The following LAMA1 variants were observed in gnomAD, a reference collection of about 807,000 sequenced individuals.
LAMA1 encodes the protein laminin subunit alpha-1.
A neutral mutation model predicts 348.7 loss-of-function variants in LAMA1; 219 were observed. The ratio of observed to expected loss-of-function variants is 0.63; its 90% CI spans 0.56 to 0.70. The LOEUF (loss-of-function observed/expected upper bound fraction) is 0.70, where lower values mean the gene tolerates loss of function less well. Among genes scored for constraint, LAMA1 ranks in the 30% least tolerant of loss-of-function variants. The pLI, the probability that LAMA1 is intolerant of heterozygous loss-of-function variation, is 0.00. For synonymous variants in LAMA1, 1,487 were observed against 1,491.0 expected (o/e 1.00, Z 0.06); for missense variants, 3,744 against 3,888.0 (o/e 0.96, Z 0.99).
rs753075815 is a variant in LAMA1 at position 7,044,779 on chromosome 18, C to T, written c.919G>A (p.Gly307Arg). ...CGESCNRCCP[G>R]YHQQPWRPGT... ...GGCCTCCAGGGCTGCTGATGGTACC[C>T]AGGACAGCACCTGTTACAGCTCTCC... Residue 307 changes from glycine to arginine, a missense_variant, in exon 7 of 63, where the codon GGG becomes AGG. Gly to Arg is a moderately radical substitution (Grantham distance 125). Transcript: ENST00000389658. The T allele has an allele frequency of 5.6e-6, 9 of 1,614,060 alleles. No homozygotes were observed. The Admixed American group carries it at 1.0e-4, about 18-fold the overall frequency.
At chr18:7,064,244 T>C (rs1455780960) in intron 3 of LAMA1, among the ~76,000 whole-genome samples, 3 of 151,946 alleles carry the variant, frequency 2.0e-5, no homozygotes, top group African/African-American at 7.2e-5. Context: ...CAATGGTAAA[T>C]TTTATGATAT....
intron 47 of LAMA1, 59 bp from the exon 48 acceptor site, chr18:6,972,040 T>G: frequency 1.2e-6 from 2 of 1,600,302 alleles, no homozygotes; most frequent in Non-Finnish European, 1.7e-6. Flanking sequence ...CAAAATACAT[T>G]CTCCAAGTGC....
rs10566387 is a variant in LAMA1 at position 7,097,499 on chromosome 18, C to CTTTTTTTTTTTTTTTTTTTTTTTTTT, written c.62-17043_62-17042insAAAAAAAAAAAAAAAAAAAAAAAAAA. On this transcript the variant is annotated intron_variant, in intron 1 of 62. Transcript: ENST00000389658. ...CAATTGCTATCAAAATCTCAGCTGG[C>CTTTTTTTTTTTTTTTTTTTTTTTTTT]TTTTTTTTTTTTTTTTTTTGTAGAA... Among the ~76,000 whole-genome samples, 4 of 109,900 alleles carry CTTTTTTTTTTTTTTTTTTTTTTTTTT rather than the reference C, an allele frequency of 3.6e-5. 1 individual carries two copies. The highest frequency in any genetic ancestry group is 3.9e-5 in the Non-Finnish European group (2 of 51,532). 72.1% of individuals were successfully genotyped at this position (109,900 alleles called of 152,430 possible). A position where few individuals can be genotyped will look rare whatever the true frequency, so the allele number is the denominator to read the frequency against.
intron 3 of LAMA1, among the ~76,000 whole-genome samples, chr18:7,064,941 TAAG>T (rs1219883413): frequency 1.3e-5 from 2 of 152,056 alleles, no homozygotes; most frequent in African/African-American, 4.8e-5. Flanking sequence ...AAAGGGTGAT[TAAG>T]AATAGCCAAG....
intron 3 of LAMA1, among the ~76,000 whole-genome samples, chr18:7,077,288 G>A (rs1196613879): frequency 4.8e-5 from 7 of 144,552 alleles, no homozygotes; most frequent in South Asian, 2.2e-4. Flanking sequence ...TGCAAGCTCC[G>A]CCTCCTGGGT....
intron 3 of LAMA1, among the ~76,000 whole-genome samples, chr18:7,071,363 C>G (rs2058145261): frequency 6.6e-6 from 1 of 152,222 alleles, no homozygotes; most frequent in Non-Finnish European, 1.5e-5. Flanking sequence ...TAACCCATAT[C>G]TATAAATTCC....
intron 1 of LAMA1, among the ~76,000 whole-genome samples, chr18:7,084,318 C>CA (rs2058206393): frequency 6.6e-6 from 1 of 151,918 alleles, no homozygotes; most frequent in South Asian, 2.1e-4. Context: ...GATAGGAAAT[C>CA]AGAGAGTGAG....
At chr18:7,010,153 A>G (rs1568029350) in intron 26 of LAMA1, 47 bp downstream of exon 26, 1 of 1,601,592 alleles carries the variant, frequency 6.2e-7, no homozygotes, top group Admixed American at 1.7e-5. Context: ...CATCCATAGC[A>G]AAGTCAATGT....
At chr18:6,997,132 C>T (rs377707602) in intron 33 of LAMA1, among the ~76,000 whole-genome samples, 3 of 151,224 alleles carry the variant, frequency 2.0e-5, no homozygotes, top group South Asian at 2.1e-4. Context: ...GGTGTGATCT[C>T]GGCTCACTGC....
intron 34 of LAMA1, 108 bp from the exon 35 acceptor site, chr18:6,993,860 A>G (rs867645994): frequency 5.3e-6 from 4 of 751,226 alleles, no homozygotes; most frequent in South Asian, 2.8e-5. Context: ...AAGCAACAAC[A>G]TATATTCCAG....
At chr18:7,102,275 A>G (rs892070827) in intron 1 of LAMA1, among the ~76,000 whole-genome samples, 1 of 152,228 alleles carries the variant, frequency 6.6e-6, no homozygotes, top group Admixed American at 6.5e-5. Context: ...TTTATCAAAC[A>G]AAAATCCATC....
intron 29 of LAMA1, among the ~76,000 whole-genome samples, chr18:7,004,544 G>A (rs2057823628): frequency 6.6e-6 from 1 of 152,114 alleles, no homozygotes; most frequent in Non-Finnish European, 1.5e-5. Context: ...TAGAGATGGG[G>A]TTTCTCCATG....
chr18:7,082,274 C>T (rs2058196127), intron 1 of LAMA1, among the ~76,000 whole-genome samples: 1 of 152,100 alleles, frequency 6.6e-6, no homozygotes, highest in Admixed American at 6.5e-5. Context: ...ATAGCATGAA[C>T]TTACATCATA....
At chr18:7,062,605 G>C (rs2058106779) in intron 3 of LAMA1, among the ~76,000 whole-genome samples, 1 of 152,192 alleles carries the variant, frequency 6.6e-6, no homozygotes, top group South Asian at 2.1e-4. Flanking sequence ...AACACCAAGA[G>C]ACCAGAGCAG....
intron 27 of LAMA1, among the ~76,000 whole-genome samples, chr18:7,008,990 A>G (rs2057846206): frequency 1.3e-5 from 2 of 152,058 alleles, no homozygotes; most frequent in South Asian, 4.1e-4. Flanking sequence ...TTTTTTTTGC[A>G]TTTTATCTTC....
intron 44 of LAMA1, among the ~76,000 whole-genome samples, chr18:6,977,439 T>C (rs535830274): frequency 6.6e-6 from 1 of 152,352 alleles, no homozygotes; most frequent in South Asian, 2.1e-4. Context: ...TCCAGGCTAA[T>C]AGTTTTAAAT....
Position 6,985,314 on chromosome 18 carries a change from T to C in LAMA1, c.5583A>G (p.Gln1861=). 6 of 1,614,204 alleles carry C rather than the reference T, an allele frequency of 3.7e-6. No homozygotes were observed. The Middle Eastern group carries it at 5.0e-4, about 133-fold the overall frequency. The part of the protein sequence containing the change: ...HIDDLVMHMS[Q]RNAVDLVYRA... ...TGTAGACCAGGTCGACTGCGTTCCT[T>C]TGGGACATGTGCATGACCAGGTCAT... is the stretch of plus-strand genomic sequence containing the variant. The change falls in exon 39 of 63, where the codon CAA becomes CAG. Residue 1861 remains glutamine (Q), a synonymous_variant. Transcript: ENST00000389658.
chr18:6,958,578 G>A lies in LAMA1; in HGVS notation c.7863C>T (p.Ser2621=). Residue 2621 remains serine, a synonymous_variant, in exon 55 of 63, where the codon TCC becomes TCT. Coordinates refer to ENST00000389658, the MANE Select transcript of LAMA1 (RefSeq NM_005559.4). ...CTGGAATTCCCCCGACGTACAGATT[G>A]GACACATTTATCGTCCTGCTTTCTA... ...TLVESRTINV[S]NLYVGGIPEG... The A allele has an allele frequency of 6.2e-7, 1 of 1,614,076 alleles. No homozygotes were observed. Among genetic ancestry groups the A allele is most frequent in the Non-Finnish European group, 8.5e-7 (1 of 1,179,972 alleles).
chr18:6,950,835 C>G lies in LAMA1; in HGVS notation c.8344G>C (p.Gly2782Arg). ...GCAGGGTGAGAGACCTTTGTTCTGC[C>G]TTTGCCAAGGTCAAACATGAAGTGG... ...RLHFMFDLGK[G>R]RTKVSHPALL... The change falls in exon 58 of 63, where the codon GGC becomes CGC. Residue 2782 changes from glycine to arginine, a missense_variant. This residue lies in a region of LAMA1 where 1,983 missense variants were observed against 1,934.3 expected (regional missense o/e 1.03). Transcript: ENST00000389658. The G allele has an allele frequency of 6.2e-7, 1 of 1,614,142 alleles. No homozygotes were observed. Among genetic ancestry groups the G allele is most frequent in the Non-Finnish European group, 8.5e-7 (1 of 1,180,034 alleles).
Sources: gnomAD v4.1 joint callset for allele counts (sites outside exome capture counted in the v4.1 genomes callset) on GRCh38, gnomAD v4.1.1 for gene constraint, gnomAD v4.1.1 regional missense constraint, MANE v1.5 for transcripts, NCBI Gene and HGNC (gene_info 2026-07-23, HGNC 2026-07-21) for gene names.